The following CPXM2 variants were observed in gnomAD, a reference collection of about 807,000 sequenced individuals.
The protein encoded by CPXM2 is carboxypeptidase X, M14 family member 2.
A neutral mutation model predicts 86.1 loss-of-function variants in CPXM2; 66 were observed. The observed-to-expected ratio is 0.77, with a 90% CI of 0.63 to 0.94. The LOEUF is 0.94. Among genes scored for constraint, CPXM2 ranks in the 40% least tolerant of loss-of-function variants. The pLI, the probability that CPXM2 is intolerant of heterozygous loss-of-function variation, is 0.00. For synonymous variants in CPXM2, 388 were observed against 400.2 expected, an observed-to-expected ratio of 0.97 and a Z score of 0.36; for missense variants, 948 against 1,026.3, an observed-to-expected ratio of 0.92 and a Z score of 1.04.
At chr10:123,778,861 AAC>A (rs1468939303) in intron 7 of CPXM2, among the ~76,000 whole-genome samples, 1 of 152,202 alleles carries the variant, frequency 6.6e-6, no homozygotes, top group Admixed American at 6.5e-5. Flanking sequence ...CTCAAGTCCA[AAC>A]ACATTCTCTT....
intron 13 of CPXM2, 50 bp from the exon 14 acceptor site, chr10:123,747,067 G>A (rs1166937844): frequency 6.3e-7 from 1 of 1,589,574 alleles, no homozygotes; most frequent in Non-Finnish European, 8.6e-7. Context: ...TGCTAATGCA[G>A]ATCCCGCCAG....
At chr10:123,864,849 C>A (rs1303576127) in intron 2 of CPXM2, among the ~76,000 whole-genome samples, 1 of 152,208 alleles carries the variant, frequency 6.6e-6, no homozygotes, top group Non-Finnish European at 1.5e-5. Context: ...ACATATCCAT[C>A]AAAATTGCTT....
intron 3 of CPXM2, among the ~76,000 whole-genome samples, chr10:123,847,867 C>T (rs1025458187): frequency 1.1e-4 from 16 of 152,086 alleles, no homozygotes; most frequent in African/African-American, 2.7e-4. Flanking sequence ...AATCATTCTG[C>T]GGCAGTGAGT....
intron 2 of CPXM2, chr10:123,914,125 G>A: frequency 2.2e-6 from 1 of 458,652 alleles, no homozygotes. Flanking sequence ...TGCCTGAGAA[G>A]CAGAGGAAAT....
chr10:123,781,786 A>G (rs949837612), intron 6 of CPXM2, among the ~76,000 whole-genome samples: 1 of 152,234 alleles, frequency 6.6e-6, no homozygotes, highest in Admixed American at 6.5e-5. Context: ...CTGGCTCTGC[A>G]GACATTCACA....
At chr10:123,889,943 T>A (rs1221803491) in intron 1 of CPXM2, among the ~76,000 whole-genome samples, 1 of 151,936 alleles carries the variant, frequency 6.6e-6, no homozygotes, top group African/African-American at 2.4e-5. Context: ...CTAGAATGCA[T>A]GTGGATTTGA....
rs747774437 is a variant in CPXM2, at chr10:123,762,088, G to A, written c.1561C>T (p.Leu521=). The A allele has an allele frequency of 2.5e-6, 4 of 1,614,186 alleles. No homozygotes were observed. In the South Asian group the frequency reaches 4.4e-5, roughly 18 times the overall value. The change falls in exon 11 of 14, where the codon CTG becomes TTG. Residue 521 remains leucine, a synonymous_variant. Transcript: ENST00000241305. ...AGGTCGTAGGGGTACGCCACCACCA[G>A]CTCGCCGCCCTGCAGGTTGCCGCCC... ...VLGGNLQGGE[L]VVAYPYDLVR...
chr10:123,757,351 A>G lies in CPXM2; in HGVS notation c.1779T>C (p.Ser593=). The change falls in exon 12 of 14, where the codon AGT becomes AGC. Residue 593 remains serine (S), a splice_region_variant and synonymous_variant. Coordinates refer to ENST00000241305, the MANE Select transcript of CPXM2 (RefSeq NM_198148.3). ...NGASWHTVAG[S]LNDFSYLHTN... ...TATGAAGGTAGCTGAAATCGTTCAGACCTGCCAAGCCAACCGGACAACACT... is the reference window on the plus strand; with the variant it reads ...TATGAAGGTAGCTGAAATCGTTCAGGCCTGCCAAGCCAACCGGACAACACT... The G allele has an allele frequency of 6.2e-7, 1 of 1,612,772 alleles. No individual in the cohort carries two copies. The highest frequency in any genetic ancestry group is 1.7e-4 in the Middle Eastern group (1 of 6,058).
At chr10:123,770,296 A>T (rs1186560236) in intron 8 of CPXM2, among the ~76,000 whole-genome samples, 1 of 152,112 alleles carries the variant, frequency 6.6e-6, no homozygotes, top group Non-Finnish European at 1.5e-5. Context: ...AAACAAACAA[A>T]CAAAACAAAA....
chr10:123,825,789 A>T (rs1235048), intron 4 of CPXM2, among the ~76,000 whole-genome samples: 150,699 of 152,308 alleles, frequency 0.99, 74,569 homozygotes, highest in Middle Eastern at 1. Flanking sequence ...TTTAGTAGTG[A>T]TCTGGTTCCC....
chr10:123,793,293 T>C (rs1047014379), intron 6 of CPXM2, among the ~76,000 whole-genome samples: 1 of 151,696 alleles, frequency 6.6e-6, no homozygotes, highest in Non-Finnish European at 1.5e-5. Context: ...TGAAACCCCA[T>C]CTCTACTAAA....
At chr10:123,867,495 T>TAC (rs1944809588) in intron 2 of CPXM2, among the ~76,000 whole-genome samples, 1 of 151,866 alleles carries the variant, frequency 6.6e-6, no homozygotes, top group South Asian at 2.1e-4. Flanking sequence ...CTTTTCTTTC[T>TAC]ACCTTCAGAG....
At chr10:123,849,145 T>C (rs1166359968) in intron 3 of CPXM2, among the ~76,000 whole-genome samples, 1 of 152,244 alleles carries the variant, frequency 6.6e-6, no homozygotes, top group African/African-American at 2.4e-5. Flanking sequence ...TTTTTATTGC[T>C]TCCTGTGGCT....
At chr10:123,824,586 C>T (rs1311966328) in intron 4 of CPXM2, among the ~76,000 whole-genome samples, 2 of 152,134 alleles carry the variant, frequency 1.3e-5, no homozygotes. Context: ...TGAGAGCAAG[C>T]AGGGAGATTT....
At position 123,770,900 on chromosome 10, in the gene CPXM2, GA is replaced by G; in HGVS notation, c.1102+15del. The G allele has an allele frequency of 6.2e-7, 1 of 1,608,846 alleles. No homozygotes were observed. The highest frequency in any genetic ancestry group is 1.3e-5 in the African/African-American group (1 of 74,726). On this transcript the variant is annotated intron_variant, in intron 8 of 13. Transcript: ENST00000241305. ...AAAGATGAAGGGGCCAAGCATCCCA[GA>G]GGGGCCCTTCTCACCGACTTCATGC... is the stretch of plus-strand genomic sequence containing the variant.
At chr10:123,810,199 A>C (rs1337533082) in intron 4 of CPXM2, among the ~76,000 whole-genome samples, 2 of 152,000 alleles carry the variant, frequency 1.3e-5, no homozygotes, top group East Asian at 3.8e-4. Context: ...TAAAATAACA[A>C]TTTTAGATTG....
intron 7 of CPXM2, among the ~76,000 whole-genome samples, chr10:123,773,690 A>G (rs945992126): frequency 6.6e-6 from 1 of 152,200 alleles, no homozygotes; most frequent in South Asian, 2.1e-4. Context: ...CATTGCCACT[A>G]AGTCAGCAGA....
At chr10:123,823,690 G>A (rs913021748) in intron 4 of CPXM2, among the ~76,000 whole-genome samples, 16 of 152,288 alleles carry the variant, frequency 1.1e-4, no homozygotes, top group African/African-American at 3.1e-4. Flanking sequence ...GAAAAAAAGT[G>A]TGTGTGTTAG....
At chr10:123,807,072 T>C (rs770844664) in intron 4 of CPXM2, among the ~76,000 whole-genome samples, 2 of 152,198 alleles carry the variant, frequency 1.3e-5, no homozygotes, top group African/African-American at 2.4e-5. Context: ...AATGGGGTAA[T>C]GCAAGTAGTC....
Sources: allele counts gnomAD v4.1 joint callset (sites outside exome capture counted in the v4.1 genomes callset), GRCh38; gene constraint gnomAD v4.1.1; transcripts MANE v1.5; gene names NCBI Gene and HGNC (gene_info 2026-07-23, HGNC 2026-07-21).